INTS6: variants seen among roughly 807,000 people sequenced by gnomAD.
The protein encoded by INTS6 is integrator complex subunit 6, also known as DEAD box protein.
Under a neutral mutation model 104.9 loss-of-function variants are expected in INTS6, and 16 were observed. The ratio of observed to expected loss-of-function variants is 0.15; its 90% CI spans 0.10 to 0.23. The LOEUF is 0.23. Among genes scored for constraint, INTS6 ranks in the 10% least tolerant of loss-of-function variants. The probability of loss-of-function intolerance (pLI) is 1.00; values close to 1 mark genes in which losing one functional copy is unlikely to be tolerated. For missense variants in INTS6, 584 were observed against 1,062.8 expected (o/e 0.55, Z 6.26); for synonymous variants, 324 against 358.7 (o/e 0.90, Z 1.09).
intron 15 of INTS6, 27 bp downstream of exon 15, chr13:51,374,181 A>G: frequency 1.3e-6 from 2 of 1,563,884 alleles, no homozygotes; most frequent in Non-Finnish European, 1.8e-6. Context: ...GGCAGCAAAT[A>G]ATGTTTAAGA....
intron 3 of INTS6, chr13:51,438,122 C>A (rs1952726362): frequency 6.6e-6 from 1 of 152,150 alleles, no homozygotes. Context: ...ACTAACCCAA[C>A]ATTGCTAAGA....
intron 3 of INTS6, chr13:51,437,679 G>A (rs908502117): frequency 2.0e-5 from 3 of 152,198 alleles, no homozygotes; most frequent in Non-Finnish European, 4.4e-5. Flanking sequence ...TTTCCCATAT[G>A]CTATGGCTGA....
intron 7 of INTS6, among the ~76,000 whole-genome samples, chr13:51,385,972 C>T (rs1956135607): frequency 6.6e-6 from 1 of 152,164 alleles, no homozygotes; most frequent in Non-Finnish European, 1.5e-5. Context: ...TTGAACTCCA[C>T]TGTTTAAAAG....
rs1443811909 is a variant in INTS6 at position 51,436,835 on chromosome 13, G to A, written c.340-6452C>T. On this transcript the variant is annotated intron_variant, in intron 3 of 17. Coordinates refer to ENST00000311234, the MANE Select transcript of INTS6 (RefSeq NM_012141.3). ...TGAATGAAATTAACAAACTGGTCTG[G>A]GGAATGCCTAAAAAGTAGTGCCAGG... The A allele has an allele frequency of 7.2e-5, 11 of 152,134 alleles. No individual in the cohort carries two copies. In the East Asian group the frequency reaches 1.9e-3, roughly 27 times the overall value. 9.4% of individuals were successfully genotyped at this position (152,134 alleles called of 1,614,324 possible). A position where few individuals can be genotyped will look rare whatever the true frequency, so the allele number is the denominator to read the frequency against.
chr13:51,443,569 CTTT>C (rs1952837539), intron 3 of INTS6: 1 of 151,928 alleles, frequency 6.6e-6, no homozygotes, highest in South Asian at 2.1e-4. Flanking sequence ...AAGGAAATTA[CTTT>C]TTTAAGCTGA....
At chr13:51,391,868 TAAC>T (rs1468300895) in intron 5 of INTS6, among the ~76,000 whole-genome samples, 1 of 152,222 alleles carries the variant, frequency 6.6e-6, no homozygotes, top group Non-Finnish European at 1.5e-5. Flanking sequence ...TTGATATATT[TAAC>T]AACATGTCTA....
intron 4 of INTS6, among the ~76,000 whole-genome samples, chr13:51,427,890 T>G (rs555491624): frequency 6.6e-6 from 1 of 152,314 alleles, no homozygotes; most frequent in African/African-American, 2.4e-5. Flanking sequence ...ACTAGCAAGG[T>G]AGTTTCAGGT....
chr13:51,415,640 T>C (rs1456608833), intron 4 of INTS6, among the ~76,000 whole-genome samples: 5 of 138,080 alleles, frequency 3.6e-5, no homozygotes, highest in African/African-American at 1.4e-4. Flanking sequence ...TGTAGAACTT[T>C]AAGTCCATTA....
At chr13:51,345,846 T>C in the INTS6 span, among the ~76,000 whole-genome samples, 1 of 152,196 alleles carries the variant, frequency 6.6e-6, no homozygotes, top group South Asian at 2.1e-4. Flanking sequence ...TGCAGGCTGA[T>C]TGTCCTCTAA....
chr13:51,452,712 C>T lies in INTS6; in HGVS notation c.-187G>A. ...CCCCGATAGTTGAGAGGAAACTCCC[C>T]AGACCCAGTGCTCCCCGTCGTACCC... On this transcript the variant is annotated 5_prime_UTR_variant, in exon 1 of 18. Coordinates refer to ENST00000311234, the MANE Select transcript of INTS6 (RefSeq NM_012141.3). This position sits in a 1 kb window ranked among gnomAD's most constrained non-coding sequence, Gnocchi z 4.2. The T allele has an allele frequency of 7.6e-7, 1 of 1,323,242 alleles. No individual in the cohort carries two copies. The highest frequency in any genetic ancestry group is 3.6e-5 in the East Asian group (1 of 27,510). The allele number at this position is 1,323,242 out of a possible 1,614,324, so 82.0% of individuals were successfully genotyped here. A position where few individuals can be genotyped will look rare whatever the true frequency, so the allele number is the denominator to read the frequency against.
At chr13:51,360,547 A>G (rs1269033196), downstream of INTS6, among the ~76,000 whole-genome samples, 1 of 152,110 alleles carries the variant, frequency 6.6e-6, no homozygotes, top group Non-Finnish European at 1.5e-5. Context: ...GCTTACAAAA[A>G]TCAGCCAATT....
Position 51,364,309 on chromosome 13 carries a change from C to T in INTS6, c.*1443G>A. Reference sequence around the variant, plus strand: ...TGCATGTTCTCCACTTTCATCAATGCTTTTCTTCATAAAGTTATAATTTCA... The same window carrying T: ...TGCATGTTCTCCACTTTCATCAATGTTTTTCTTCATAAAGTTATAATTTCA... On this transcript the variant is annotated 3_prime_UTR_variant, in exon 18 of 18. Transcript: ENST00000311234. 7.5e-7 allele frequency: 1 copy of T among 1,335,808 alleles called. No individual in the cohort carries two copies. The highest frequency in any genetic ancestry group is 1.0e-6 in the Non-Finnish European group (1 of 981,126). The allele number at this position is 1,335,808 out of a possible 1,614,324, so 82.7% of individuals were successfully genotyped here. A position where few individuals can be genotyped will look rare whatever the true frequency, so the allele number is the denominator to read the frequency against.
chr13:51,449,744 T>A, intron 3 of INTS6: 1 of 985,426 alleles, frequency 1.0e-6, no homozygotes, highest in Admixed American at 6.1e-5. Context: ...AATCCACTAC[T>A]ATTTTACAGA....
intron 17 of INTS6, among the ~76,000 whole-genome samples, chr13:51,366,407 C>T (rs1352788696): frequency 6.6e-6 from 1 of 151,960 alleles, no homozygotes; most frequent in Non-Finnish European, 1.5e-5. Flanking sequence ...AGTTAAAGTT[C>T]AAGTAACAAC....
In INTS6 at chr13:51,401,754, C is replaced by T. The variant is rs575952594; in HGVS notation, c.430-6271G>A. On this transcript the variant is annotated intron_variant, in intron 4 of 17. Transcript: ENST00000311234. ...GCTTCAGGACTTGTCTGAAGGTACA[C>T]AGTAAGTGGTGAGGAGACAGAATTC... 4.6e-5 allele frequency among the ~76,000 whole-genome samples: 7 copies of T among 152,208 alleles called. No homozygotes were observed. In the East Asian group the frequency reaches 1.3e-3, roughly 29 times the overall value.
At chr13:51,407,897 A>G (rs1158148735) in intron 4 of INTS6, among the ~76,000 whole-genome samples, 1 of 151,656 alleles carries the variant, frequency 6.6e-6, no homozygotes, top group African/African-American at 2.4e-5. Context: ...CACGCCTGTA[A>G]TCCCAGCTAC....
chr13:51,353,496 T>C (rs1955431748), downstream of INTS6, among the ~76,000 whole-genome samples: 1 of 152,188 alleles, frequency 6.6e-6, no homozygotes, highest in African/African-American at 2.4e-5. Flanking sequence ...GTAACTAGTT[T>C]GCAGGTAGTT....
chr13:51,396,701 G>C lies in INTS6; in HGVS notation c.430-1218C>G, dbSNP rs75937212. Among the ~76,000 whole-genome samples, 1,083 of 152,272 alleles carry C rather than the reference G, an allele frequency of 7.1e-3. 3 individuals are homozygous for C. The highest frequency in any genetic ancestry group is 0.011 in the Non-Finnish European group (763 of 68,018). ...GTTTGCAGGGAATAGTGGGGATATA[G>C]GATCAAGTTAAACACCAGCACAAGA... On this transcript the variant is annotated intron_variant, in intron 4 of 17. Coordinates refer to ENST00000311234, the MANE Select transcript of INTS6 (RefSeq NM_012141.3).
intron 10 of INTS6, among the ~76,000 whole-genome samples, chr13:51,380,708 A>G (rs764961395): frequency 1.3e-5 from 2 of 152,220 alleles, no homozygotes; most frequent in African/African-American, 4.8e-5. Flanking sequence ...AACAGAATAC[A>G]TAAGTGATTT....
Sources: gnomAD v4.1 joint callset for allele counts (sites outside exome capture counted in the v4.1 genomes callset) on GRCh38, gnomAD v4.1.1 for gene constraint, Gnocchi (gnomAD v3.1) non-coding constraint, MANE v1.5 for transcripts, NCBI Gene and HGNC (gene_info 2026-07-23, HGNC 2026-07-21) for gene names.